Variants in GPATCH2 observed in about 807,000 individuals in gnomAD.
GPATCH2 encodes G patch domain-containing protein 2.
Under a neutral mutation model 58.0 loss-of-function variants are expected in GPATCH2, and 51 were observed. The ratio of observed to expected loss-of-function variants is 0.88; its 90% confidence interval spans 0.70 to 1.11. The LOEUF is 1.11. Ranked by LOEUF, GPATCH2 falls within the 50% of genes most tolerant of loss-of-function variation. The pLI, the probability that GPATCH2 is intolerant of heterozygous loss-of-function variation, is 0.00. For missense variants in GPATCH2, 625 were observed against 652.2 expected (o/e 0.96, Z 0.45); for synonymous variants, 222 against 218.5 (o/e 1.02, Z -0.14).
chr1:217,453,205 TTTC>T (rs1342114404), intron 8 of GPATCH2, among the ~76,000 whole-genome samples: 1 of 152,240 alleles, frequency 6.6e-6, no homozygotes, highest in Non-Finnish European at 1.5e-5. Flanking sequence ...TTTCTGTTTC[TTTC>T]TTCTGCAGTG....
chr1:217,609,916 A>T, intron 5 of GPATCH2: 1 of 1,144,822 alleles, frequency 8.7e-7, no homozygotes, highest in Non-Finnish European at 1.1e-6. Flanking sequence ...AAAATATATA[A>T]TTTACAGTAG....
intron 3 of GPATCH2, among the ~76,000 whole-genome samples, chr1:217,611,621 T>C (rs1292827571): frequency 6.6e-6 from 1 of 152,182 alleles, no homozygotes; most frequent in Non-Finnish European, 1.5e-5. Context: ...ACCCTTTCTT[T>C]GCAGCAGATA....
At position 217,621,188 on chromosome 1, in the gene GPATCH2, C is replaced by A. The variant is rs1178157083; in HGVS notation, c.57-689G>T. On this transcript the variant is annotated intron_variant, in intron 1 of 9. Transcript: ENST00000366935. ...TTTTTAAGAGCATTAAACTATATTA[C>A]CAGTATGAAAATTATCCAGTAGTCA... 2.0e-5 allele frequency among the ~76,000 whole-genome samples: 3 copies of A among 152,222 alleles called. No individual in the cohort carries two copies. The East Asian group carries it at 5.8e-4, about 29-fold the overall frequency.
Position 217,597,294 on chromosome 1 carries a change from C to T in GPATCH2, c.1098+13027G>A, listed in dbSNP as rs189841906. ...GCTGCAGTTAGCTATGAGGGAACTACGGGAACTACTGCACTATAGCCTGGG... is the reference window on the plus strand; with the variant it reads ...GCTGCAGTTAGCTATGAGGGAACTATGGGAACTACTGCACTATAGCCTGGG... On this transcript the variant is annotated intron_variant, in intron 5 of 9. Coordinates refer to ENST00000366935, the MANE Select transcript of GPATCH2 (RefSeq NM_018040.5). Among the ~76,000 whole-genome samples the T allele has an allele frequency of 2.4e-3, 355 of 150,282 alleles. 3 individuals are homozygous for T. Among genetic ancestry groups the T allele is most frequent in the African/African-American group, 8.4e-3 (344 of 40,928 alleles).
Position 217,491,666 on chromosome 1 carries a change from T to G in GPATCH2, c.1277+14A>C. ...AGAAAATGAATGAATAAAAAGCGATTTTGAATTGCTTACCTGCTGGCTGTT... is the reference window on the plus strand; with the variant it reads ...AGAAAATGAATGAATAAAAAGCGATGTTGAATTGCTTACCTGCTGGCTGTT... On this transcript the variant is annotated intron_variant, in intron 8 of 9. Coordinates refer to ENST00000366935, the MANE Select transcript of GPATCH2 (RefSeq NM_018040.5). The G allele has an allele frequency of 7.5e-7, 1 of 1,326,038 alleles. No homozygotes were observed. The highest frequency in any genetic ancestry group is 1.1e-6 in the Non-Finnish European group (1 of 932,428). The allele number at this position is 1,326,038 out of a possible 1,614,324, so 82.1% of individuals were successfully genotyped here.
intron 6 of GPATCH2, among the ~76,000 whole-genome samples, chr1:217,511,702 G>T (rs1662858464): frequency 6.6e-6 from 1 of 152,028 alleles, no homozygotes; most frequent in Admixed American, 6.6e-5. Context: ...CAGATATTGG[G>T]TTTTTCTCCT....
At chr1:217,544,873 T>TAAA (rs1664952732) in intron 5 of GPATCH2, among the ~76,000 whole-genome samples, 1 of 152,230 alleles carries the variant, frequency 6.6e-6, no homozygotes. Flanking sequence ...ACCTGCCCTT[T>TAAA]ATGTTCCTTC....
intron 5 of GPATCH2, chr1:217,609,782 C>T (rs2102813215): frequency 2.1e-6 from 2 of 968,120 alleles, no homozygotes; most frequent in Admixed American, 1.2e-4. Context: ...CTTAATCAGT[C>T]ACAATATAAA....
intron 9 of GPATCH2, among the ~76,000 whole-genome samples, chr1:217,431,785 C>T (rs547695444): frequency 5.3e-5 from 8 of 152,292 alleles, no homozygotes; most frequent in Non-Finnish European, 7.4e-5. Context: ...AAATCACCAA[C>T]CTATATTGTA....
At chr1:217,630,323 CATG>C (rs1558541398) in intron 1 of GPATCH2, among the ~76,000 whole-genome samples, 1 of 152,134 alleles carries the variant, frequency 6.6e-6, no homozygotes, top group Non-Finnish European at 1.5e-5. Flanking sequence ...ATTATTCTAA[CATG>C]ATACCATAGA....
intron 5 of GPATCH2, among the ~76,000 whole-genome samples, chr1:217,559,014 C>T (rs976594542): frequency 6.6e-6 from 1 of 151,996 alleles, no homozygotes; most frequent in Non-Finnish European, 1.5e-5. Context: ...TCACACTCAA[C>T]TGACCACACG....
At chr1:217,475,244 G>A (rs1660916889) in intron 8 of GPATCH2, among the ~76,000 whole-genome samples, 2 of 152,144 alleles carry the variant, frequency 1.3e-5, no homozygotes, top group South Asian at 4.1e-4. Context: ...TTTGAGACCA[G>A]CCTGGCCAAC....
At chr1:217,615,547 C>A (rs1367859241) in intron 2 of GPATCH2, among the ~76,000 whole-genome samples, 1 of 152,052 alleles carries the variant, frequency 6.6e-6, no homozygotes, top group Non-Finnish European at 1.5e-5. Context: ...ACTATTGATA[C>A]TTTCCTCTTT....
intron 5 of GPATCH2, among the ~76,000 whole-genome samples, chr1:217,601,353 G>A (rs1041907780): frequency 7.9e-5 from 12 of 151,580 alleles, no homozygotes; most frequent in Non-Finnish European, 8.8e-5. Flanking sequence ...TATTGCTTAC[G>A]TGTTTCAAAA....
intron 8 of GPATCH2, among the ~76,000 whole-genome samples, chr1:217,478,243 C>A (rs1357429466): frequency 6.6e-6 from 1 of 152,096 alleles, no homozygotes; most frequent in African/African-American, 2.4e-5. Flanking sequence ...ACTGCCCAGA[C>A]ACAGACAAAC....
chr1:217,584,333 A>G (rs1197359354), intron 5 of GPATCH2, among the ~76,000 whole-genome samples: 2 of 108,346 alleles, frequency 1.8e-5, no homozygotes, highest in Non-Finnish European at 3.8e-5. Context: ...CCTCTACTAA[A>G]AAAAAAAAAA....
intron 8 of GPATCH2, among the ~76,000 whole-genome samples, chr1:217,484,789 T>C (rs929268099): frequency 6.6e-6 from 1 of 150,696 alleles, no homozygotes; most frequent in African/African-American, 2.4e-5. Context: ...TATATCTATA[T>C]CCCATATAGA....
chr1:217,562,156 T>A (rs1665959593), intron 5 of GPATCH2, among the ~76,000 whole-genome samples: 1 of 152,172 alleles, frequency 6.6e-6, no homozygotes, highest in South Asian at 2.1e-4. Context: ...AGGAGACAAG[T>A]GGCTTAGAAA....
At chr1:217,529,125 G>T (rs1664065389) in intron 5 of GPATCH2, among the ~76,000 whole-genome samples, 1 of 152,154 alleles carries the variant, frequency 6.6e-6, no homozygotes, top group Non-Finnish European at 1.5e-5. Context: ...ACCATGGAGA[G>T]AATCAGATGG....
Sources: gnomAD v4.1 joint callset for allele counts (sites outside exome capture counted in the v4.1 genomes callset) on GRCh38, gnomAD v4.1.1 for gene constraint, MANE v1.5 for transcripts, NCBI Gene and HGNC (gene_info 2026-07-23, HGNC 2026-07-21) for gene names.